DGKK: variants seen among roughly 807,000 people sequenced by gnomAD.
DGKK encodes 142 kDa diacylglycerol kinase.
A neutral mutation model predicts 92.2 loss-of-function variants in DGKK; 35 were observed. The observed-to-expected ratio is 0.38, with a 90% CI of 0.29 to 0.50. DGKK has a LOEUF of 0.50. Among genes scored for constraint, DGKK ranks in the 20% least tolerant of loss-of-function variants. The pLI is 0.92. For missense variants in DGKK, 910 were observed against 992.2 expected, an observed-to-expected ratio of 0.92 and a Z score of 1.11; for synonymous variants, 368 against 360.6, an observed-to-expected ratio of 1.02 and a Z score of -0.23.
At chrX:50,452,575 T>C (rs1926520605) in intron 1 of DGKK, among the ~76,000 whole-genome samples, 2 of 111,908 alleles carry the variant, frequency 1.8e-5, no homozygotes, top group African/African-American at 3.2e-5. Flanking sequence ...AGTCCTGAGA[T>C]GCACTTGTTA....
Position 50,379,178 on chromosome X carries a change from G to A in DGKK, c.2862+449C>T, listed in dbSNP as rs907573778. Among the ~76,000 whole-genome samples the A allele has an allele frequency of 7.2e-5, 8 of 110,624 alleles. No individual in the cohort carries two copies. The Admixed American group carries it at 7.7e-4, about 11-fold the overall frequency. ...TCTACTAAAAATACAAAAATTAGCC[G>A]GGCATGGTGGCTGGCGCCTGTAATC... On this transcript the variant is annotated intron_variant, in intron 20 of 27. Coordinates refer to ENST00000611977, the MANE Select transcript of DGKK (RefSeq NM_001013742.4).
chrX:50,373,460 G>A (rs1281835655), intron 25 of DGKK, among the ~76,000 whole-genome samples: 1 of 111,983 alleles, frequency 8.9e-6, no homozygotes, highest in Non-Finnish European at 1.9e-5. Context: ...CAATTTTCAG[G>A]TCATGAGCCT....
Position 50,376,107 on chromosome X carries a change from C to A in DGKK, c.3331G>T (p.Ala1111Ser), listed in dbSNP as rs372991252. The A allele has an allele frequency of 8.3e-7, 1 of 1,211,308 alleles. No individual in the cohort carries two copies. The highest frequency in any genetic ancestry group is 2.2e-5 in the Admixed American group (1 of 46,008). The change falls in exon 24 of 28, where the codon GCC becomes TCC. Residue 1111 changes from alanine to serine, a missense_variant. Coordinates refer to ENST00000611977, the MANE Select transcript of DGKK (RefSeq NM_001013742.4). ...HVSVLMGSVN[A>S]SANILNDIFY... Reference sequence around the variant, plus strand: ...ATATCATTCAGGATGTTAGCGCTGGCATTCACAGAACCCATGAGGACAGAC... The same window carrying A: ...ATATCATTCAGGATGTTAGCGCTGGAATTCACAGAACCCATGAGGACAGAC...
chrX:50,370,352 C>CT, intron 27 of DGKK, 74 bp downstream of exon 27: 1 of 1,107,770 alleles, frequency 9.0e-7, no homozygotes. Flanking sequence ...CTAATGGGGG[C>CT]TTCAGGTCCC....
chrX:50,446,381 T>A (rs916309264), intron 1 of DGKK, among the ~76,000 whole-genome samples: 4 of 111,524 alleles, frequency 3.6e-5, no homozygotes, highest in Non-Finnish European at 7.6e-5. Flanking sequence ...CTGTAGCATT[T>A]GGTGTTGTCA....
intron 1 of DGKK, among the ~76,000 whole-genome samples, chrX:50,462,878 C>T: frequency 2.6e-5 from 1 of 38,506 alleles, no homozygotes; most frequent in African/African-American, 8.0e-5. Flanking sequence ...TTTTCCTTTC[C>T]TTGCTTTTTT....
At chrX:50,395,621 C>G (rs1396983379) in intron 8 of DGKK, among the ~76,000 whole-genome samples, 1 of 111,041 alleles carries the variant, frequency 9.0e-6, no homozygotes, top group African/African-American at 3.3e-5. Flanking sequence ...ATGAATCATT[C>G]AAAAACTTAA....
At chrX:50,392,022 G>A (rs1396090884) in intron 10 of DGKK, among the ~76,000 whole-genome samples, 2 of 103,284 alleles carry the variant, frequency 1.9e-5, no homozygotes, top group East Asian at 5.8e-4. Context: ...GGGTTCAGGA[G>A]GGGAAGGAAA....
At chrX:50,376,677 G>C in intron 23 of DGKK, 81 bp downstream of exon 23, 3 of 980,546 alleles carry the variant, frequency 3.1e-6, no homozygotes, top group African/African-American at 1.9e-5. Context: ...AGGCTCCCTA[G>C]TAGCCAATAG....
At chrX:50,419,081 C>T (rs1246853027) in intron 4 of DGKK, among the ~76,000 whole-genome samples, 3 of 110,077 alleles carry the variant, frequency 2.7e-5, no homozygotes, top group Non-Finnish European at 5.7e-5. Flanking sequence ...TTGATTGGGG[C>T]GGGGGCAAAA....
chrX:50,378,513 C>T (rs1187538721), intron 21 of DGKK, 65 bp downstream of exon 21: 12 of 979,193 alleles, frequency 1.2e-5, no homozygotes, highest in Admixed American at 7.9e-5. Context: ...CTGGGACTAT[C>T]CCACATCCTG....
intron 1 of DGKK, among the ~76,000 whole-genome samples, chrX:50,441,356 G>A (rs1602297303): frequency 9.0e-6 from 1 of 111,320 alleles, no homozygotes; most frequent in African/African-American, 3.3e-5. Context: ...CATGTTTGGA[G>A]GTAAGAGGAC....
Position 50,393,245 on chromosome X carries a change from C to T in DGKK, c.1502G>A (p.Gly501Asp). 8.3e-7 allele frequency: 1 copy of T among 1,209,572 alleles called. No homozygotes were observed. The highest frequency in any genetic ancestry group is 2.2e-5 in the Admixed American group (1 of 45,934). ...GAGGAAGACGATCCCCTGATGATCG[C>T]CACTTTTGGAGTTGATGAAGATGAG... ...PLLIFINSKS[G>D]DHQGIVFLRK... Residue 501 changes from glycine (G) to aspartate (D), a missense_variant, in exon 9 of 28, where the codon GGC becomes GAC. Physicochemically the swap from Gly to Asp is moderately conservative, Grantham distance 94. Coordinates refer to ENST00000611977, the MANE Select transcript of DGKK (RefSeq NM_001013742.4).
intron 27 of DGKK, among the ~76,000 whole-genome samples, chrX:50,369,424 C>CT (rs1294813986): frequency 9.0e-6 from 1 of 110,817 alleles, no homozygotes; most frequent in East Asian, 2.9e-4. Context: ...CTGTCCCTTT[C>CT]TTTTTTTCTT....
rs1383926501 is a variant in DGKK, at chrX:50,387,472, G to A, written c.2118+82C>T. ...CCTTTCCTTTCTTTTACCATTCCCA[G>A]TGAGAGGCATGTTTGCTTTTTATTA... On this transcript the variant is annotated intron_variant, in intron 14 of 27. Coordinates refer to ENST00000611977, the MANE Select transcript of DGKK (RefSeq NM_001013742.4). 4 of 727,090 alleles carry A rather than the reference G, an allele frequency of 5.5e-6. No homozygotes were observed. The Admixed American group carries it at 1.3e-4, about 23-fold the overall frequency. 59.9% of individuals were successfully genotyped at this position (727,090 alleles called of 1,213,427 possible).
intron 1 of DGKK, among the ~76,000 whole-genome samples, chrX:50,469,498 C>T (rs1344374006): frequency 1.8e-5 from 2 of 112,355 alleles, no homozygotes; most frequent in Non-Finnish European, 3.8e-5. Context: ...GCAGAGGCGC[C>T]GGGCACCTCC....
chrX:50,403,696 A>C (rs1333126158), intron 5 of DGKK, 99 bp from the exon 6 acceptor site: 2 of 707,067 alleles, frequency 2.8e-6, no homozygotes, highest in East Asian at 6.5e-5. Flanking sequence ...ACACAGATGC[A>C]TTCTAAATAG....
intron 1 of DGKK, among the ~76,000 whole-genome samples, chrX:50,453,644 A>G (rs1214477928): frequency 8.1e-5 from 9 of 111,489 alleles, no homozygotes; most frequent in African/African-American, 2.9e-4. Context: ...TTGAATACCA[A>G]AGACTGAATA....
At chrX:50,373,257 C>T (rs1924189196) in intron 25 of DGKK, among the ~76,000 whole-genome samples, 1 of 111,993 alleles carries the variant, frequency 8.9e-6, no homozygotes, top group African/African-American at 3.2e-5. Flanking sequence ...CCAAATGAAA[C>T]AAGCTGTATC....
Sources: gnomAD v4.1 joint callset for allele counts (sites outside exome capture counted in the v4.1 genomes callset) on GRCh38, gnomAD v4.1.1 for gene constraint, MANE v1.5 for transcripts, NCBI Gene and HGNC (gene_info 2026-07-23, HGNC 2026-07-21) for gene names.